Variants in DNAH17 observed in about 807,000 individuals in gnomAD.
The protein encoded by DNAH17 is dynein axonemal heavy chain 17.
Under a neutral mutation model 485.6 loss-of-function variants are expected in DNAH17, and 376 were observed. The ratio of observed to expected loss-of-function variants is 0.77; its 90% confidence interval spans 0.71 to 0.84. The LOEUF (loss-of-function observed/expected upper bound fraction) is 0.84, where lower values mean the gene tolerates loss of function less well. Among genes scored for constraint, DNAH17 ranks in the 40% least tolerant of loss-of-function variants. DNAH17 has a pLI of 0.00. For synonymous variants in DNAH17, 3,031 were observed against 2,405.9 expected (o/e 1.26, Z -7.60); for missense variants, 6,370 against 5,839.3 (o/e 1.09, Z -2.96).
chr17:78,486,647 T>G, intron 44 of DNAH17, 141 bp from the exon 45 acceptor site: 1 of 1,119,792 alleles, frequency 8.9e-7, no homozygotes, highest in Non-Finnish European at 1.2e-6. Context: ...TGGCAATGGG[T>G]CCAAACGAGG....
rs540858383 is a variant in DNAH17 at position 78,453,128 on chromosome 17, T to A, written c.10529+215A>T. Among the ~76,000 whole-genome samples the A allele has an allele frequency of 1.8e-4, 27 of 152,352 alleles. No individual in the cohort carries two copies. In the East Asian group the frequency reaches 5.2e-3, roughly 29 times the overall value. On this transcript the variant is annotated intron_variant, in intron 65 of 80. Coordinates refer to ENST00000389840, the MANE Select transcript of DNAH17 (RefSeq NM_173628.4). ...TCTGGAGGCCATCACTGATAAAATG[T>A]TGGCGGAGATATTCCTAATTGGGAA...
chr17:78,557,968 G>A, intron 14 of DNAH17, 140 bp downstream of exon 14: 2 of 1,037,376 alleles, frequency 1.9e-6, no homozygotes, highest in Non-Finnish European at 1.4e-6. Flanking sequence ...CAGTAAGTAT[G>A]CAGTGAATGG....
intron 14 of DNAH17, among the ~76,000 whole-genome samples, chr17:78,557,712 T>C (rs1190750412): frequency 1.3e-5 from 1 of 77,208 alleles, no homozygotes; most frequent in Non-Finnish European, 2.7e-5. Flanking sequence ...TCACCAGCTG[T>C]TCTGAGTCAT....
rs778620781 is a variant in DNAH17, at chr17:78,570,375, G to A, written c.919-3C>T. 5 of 1,608,838 alleles carry A rather than the reference G, an allele frequency of 3.1e-6. No individual in the cohort carries two copies. Among genetic ancestry groups the A allele is most frequent in the African/African-American group, 2.7e-5 (2 of 74,836 alleles). ...ACCTTGGCAATGAAGGTGGGGAGCT[G>A]GGGGGAGACAGGCCCAGGCACACTG... On this transcript the variant is annotated splice_region_variant and splice_polypyrimidine_tract_variant and intron_variant, in intron 6 of 80. Transcript: ENST00000389840.
At chr17:78,533,463 G>C (rs982146924) in intron 19 of DNAH17, among the ~76,000 whole-genome samples, 1 of 152,174 alleles carries the variant, frequency 6.6e-6, no homozygotes, top group Non-Finnish European at 1.5e-5. Context: ...GGAGGAGGCA[G>C]CGTGTTAGGG....
intron 31 of DNAH17, among the ~76,000 whole-genome samples, chr17:78,504,707 C>T (rs539649057): frequency 6.6e-6 from 1 of 152,108 alleles, no homozygotes; most frequent in Non-Finnish European, 1.5e-5. Flanking sequence ...GCAGAAGGAG[C>T]CCGCCCTGAG....
Position 78,532,481 on chromosome 17 carries a change from C to G in DNAH17, c.3114+1G>C. 1 of 1,608,954 alleles carries G rather than the reference C, an allele frequency of 6.2e-7. No individual in the cohort carries two copies. Among genetic ancestry groups the G allele is most frequent in the Non-Finnish European group, 8.5e-7 (1 of 1,178,170 alleles). ...GGCTGGTGGGTGAGGTCTGCACGCACCTGCTCCTGGAACTGAGCCAGGGTG... is the reference window on the plus strand; with the variant it reads ...GGCTGGTGGGTGAGGTCTGCACGCAGCTGCTCCTGGAACTGAGCCAGGGTG... On this transcript the variant is annotated splice_donor_variant, in intron 20 of 80. Coordinates refer to ENST00000389840, the MANE Select transcript of DNAH17 (RefSeq NM_173628.4). LOFTEE classifies it high-confidence loss of function.
rs796659914 is a variant in DNAH17 at position 78,505,509 on chromosome 17, G to C, written c.4804-64C>G. 47 of 1,605,514 alleles carry C rather than the reference G, an allele frequency of 2.9e-5. No individual in the cohort carries two copies. In the African/African-American group the frequency reaches 5.3e-4, roughly 18 times the overall value. ...ATTTGAAAGGCATGTGCGTGGCTTG[G>C]GCTTTCCGTGGGTGGTTTTAGGCAT... On this transcript the variant is annotated intron_variant, in intron 30 of 80. Transcript: ENST00000389840.
intron 17 of DNAH17, among the ~76,000 whole-genome samples, chr17:78,542,562 G>C (rs905071652): frequency 1.3e-5 from 2 of 152,196 alleles, no homozygotes; most frequent in African/African-American, 4.8e-5. Context: ...ACTACCAAGT[G>C]AGGAGGATAT....
Position 78,444,632 on chromosome 17 carries a change from G to T in DNAH17, c.11500C>A (p.Arg3834=), listed in dbSNP as rs1423867446. The T allele has an allele frequency of 6.3e-7, 1 of 1,588,664 alleles. No homozygotes were observed. The highest frequency in any genetic ancestry group is 1.1e-5 in the South Asian group (1 of 87,406). The change falls in exon 71 of 81, where the codon CGG becomes AGG. Residue 3834 remains arginine (R), a synonymous_variant. Coordinates refer to ENST00000389840, the MANE Select transcript of DNAH17 (RefSeq NM_173628.4). The stretch of plus-strand genomic sequence containing the variant: ...ATAGCGTAGGTCATGCGATCTGGCC[G>T]CAGGCAGCGCACCATGCACAGCTTC... ...LQKLCMVRCL[R]PDRMTYAIKN...
At chr17:78,568,006 C>G (rs8066293) in intron 9 of DNAH17, among the ~76,000 whole-genome samples, 61,953 of 151,902 alleles carry the variant, frequency 0.41, 13,071 homozygotes, top group African/African-American at 0.49. Context: ...CCCAGGTCCA[C>G]GAAGCATCAG....
At chr17:78,527,467 A>C (rs927481137) in intron 22 of DNAH17, among the ~76,000 whole-genome samples, 2 of 152,164 alleles carry the variant, frequency 1.3e-5, no homozygotes, top group Non-Finnish European at 2.9e-5. Flanking sequence ...AGACCAGAGA[A>C]TGTACTCACC....
chr17:78,528,965 T>A (rs1245019006), intron 22 of DNAH17, among the ~76,000 whole-genome samples: 4 of 150,490 alleles, frequency 2.7e-5, no homozygotes, highest in African/African-American at 4.9e-5. Flanking sequence ...TTTTTTTTTT[T>A]AAGACAGAAT....
Position 78,424,038 on chromosome 17 carries a change from C to A in DNAH17, c.13257G>T (p.Lys4419Asn). 1.2e-6 allele frequency: 2 copies of A among 1,613,938 alleles called. No homozygotes were observed. Among genetic ancestry groups the A allele is most frequent in the South Asian group, 2.2e-5 (2 of 91,086 alleles). The change falls in exon 81 of 81, where the codon AAG (lysine) becomes AAT (asparagine). Residue 4419 changes from lysine to asparagine, a missense_variant. Coordinates refer to ENST00000389840, the MANE Select transcript of DNAH17 (RefSeq NM_173628.4). ...TGTACACGGGACACTCATAGATGTT[C>A]TTGGTCTCCATGCGGTCCACAGGAA... ...KAIPVDRMET[K>N]NIYECPVYKT...
At chr17:78,455,519 G>T (rs370793866) in intron 63 of DNAH17, 125 bp downstream of exon 63, 1 of 679,938 alleles carries the variant, frequency 1.5e-6, no homozygotes, top group Admixed American at 3.6e-5. Context: ...TAGAGATGGG[G>T]TTTCACCATG....
In DNAH17 at chr17:78,533,869, A is replaced by G. The variant is rs2091304222; in HGVS notation, c.2860-1133T>C. Among the ~76,000 whole-genome samples, 5 of 152,038 alleles carry G rather than the reference A, an allele frequency of 3.3e-5. 1 individual carries two copies. In the South Asian group the frequency reaches 1.0e-3, roughly 32 times the overall value. ...CTGGCTAATTTTTTGCATTTTTATT[A>G]GAGGCGGGGTTTCACCGTGTTGGTC... is the stretch of plus-strand genomic sequence containing the variant. On this transcript the variant is annotated intron_variant, in intron 19 of 80. Transcript: ENST00000389840.
At chr17:78,469,243 G>C (rs1029925908) in intron 54 of DNAH17, among the ~76,000 whole-genome samples, 1 of 152,142 alleles carries the variant, frequency 6.6e-6, no homozygotes, top group Non-Finnish European at 1.5e-5. Flanking sequence ...CCAGGTTCAC[G>C]CCATTCTCCT....
Position 78,451,663 on chromosome 17 carries a change from T to A in DNAH17, c.10540A>T (p.Ile3514Phe), listed in dbSNP as rs139825063. 81 of 1,572,778 alleles carry A rather than the reference T, an allele frequency of 5.2e-5. No homozygotes were observed. In the East Asian group the frequency reaches 1.7e-3, roughly 34 times the overall value. Reference sequence around the variant, plus strand: ...TGGTACTCCACCTCCTTGTCACCGATCTTAATGTACCTGGCGGTTGGTGGA... The same window carrying A: ...TGGTACTCCACCTCCTTGTCACCGAACTTAATGTACCTGGCGGTTGGTGGA... Reference protein sequence around the residue: ...NTIKKGKYIKIGDKEVEYHPK... With the variant: ...NTIKKGKYIKFGDKEVEYHPK... Residue 3514 changes from isoleucine to phenylalanine, a missense_variant, in exon 66 of 81, where the codon ATC (isoleucine) becomes TTC (phenylalanine). Coordinates refer to ENST00000389840, the MANE Select transcript of DNAH17 (RefSeq NM_173628.4).
intron 61 of DNAH17, 151 bp downstream of exon 61, chr17:78,458,850 A>G (rs1251088375): frequency 3.8e-6 from 4 of 1,064,256 alleles, no homozygotes; most frequent in Non-Finnish European, 5.6e-6. Context: ...TCCCGGCACC[A>G]TCTGGCCCCT....
Sources: gnomAD v4.1 joint callset for allele counts (sites outside exome capture counted in the v4.1 genomes callset) on GRCh38, gnomAD v4.1.1 for gene constraint, MANE v1.5 for transcripts, NCBI Gene and HGNC (gene_info 2026-07-23, HGNC 2026-07-21) for gene names.